The following DHX40 variants were observed in gnomAD, a reference collection of about 807,000 sequenced individuals.
DHX40 encodes probable ATP-dependent RNA helicase DHX40.
A neutral mutation model predicts 89.6 loss-of-function variants in DHX40; 28 were observed. The ratio of observed to expected loss-of-function variants is 0.31; its 90% CI spans 0.23 to 0.43. The LOEUF (loss-of-function observed/expected upper bound fraction) is 0.43. Among genes scored for constraint, DHX40 ranks in the 20% least tolerant of loss-of-function variants. The pLI is 1.00. For missense variants in DHX40, 457 were observed against 844.0 expected, an observed-to-expected ratio of 0.54 and a Z score of 5.68; for synonymous variants, 226 against 283.6, an observed-to-expected ratio of 0.80 and a Z score of 2.04.
intron 12 of DHX40, among the ~76,000 whole-genome samples, chr17:59,590,352 G>T (rs1167700554): frequency 2.0e-5 from 3 of 148,128 alleles, no homozygotes; most frequent in Non-Finnish European, 4.5e-5. Context: ...TGGAAGTGTC[G>T]GGTCCAGATT....
intron 2 of DHX40, among the ~76,000 whole-genome samples, chr17:59,570,193 A>T (rs1270668340): frequency 1.7e-5 from 2 of 118,334 alleles, no homozygotes; most frequent in Non-Finnish European, 3.2e-5. Flanking sequence ...TATAATATAT[A>T]ATATATTATA....
At position 59,566,629 on chromosome 17, in the gene DHX40, G is replaced by T; in HGVS notation, c.115G>T (p.Glu39Ter). The T allele has an allele frequency of 1.3e-6, 2 of 1,579,538 alleles. No homozygotes were observed. The highest frequency in any genetic ancestry group is 1.2e-5 in the South Asian group (1 of 84,174). ...GACTTGTTTTTCTGTTATTACAGAA[G>T]AGAAAGGATGCACGTCCCAGGAGGG... ...LSAVCIADREEKGCTSQEGGT... is the reference protein window; with the variant it reads ...LSAVCIADRE The change falls in exon 2 of 18, where the codon GAG becomes TAG. Residue 39 changes from glutamate to a stop codon, truncating the protein, a stop_gained and splice_region_variant. Transcript: ENST00000251241. LOFTEE classifies it high-confidence loss of function.
intron 12 of DHX40, among the ~76,000 whole-genome samples, chr17:59,593,759 G>A (rs1444285794): frequency 6.7e-6 from 1 of 148,918 alleles, no homozygotes; most frequent in African/African-American, 2.5e-5. Context: ...TGGGATTACA[G>A]GAGTGAGCCA....
intron 2 of DHX40, among the ~76,000 whole-genome samples, chr17:59,569,700 T>TATATATATATCTATATATATATATAG (rs2048761898): frequency 7.2e-6 from 1 of 139,432 alleles, no homozygotes; most frequent in Non-Finnish European, 1.5e-5. Context: ...AAGAAAAAAA[T>TATATATATATCTATATATATATATAG]ATATATATAT....
chr17:59,595,270 A>G (rs1325756443), intron 12 of DHX40, among the ~76,000 whole-genome samples: 1 of 151,454 alleles, frequency 6.6e-6, no homozygotes, highest in Non-Finnish European at 1.5e-5. Context: ...TTTAGTAGAG[A>G]TGGGGTTTCT....
At chr17:59,585,793 T>TTAATACTTCTCTACTAG (rs2048986013) in intron 10 of DHX40, among the ~76,000 whole-genome samples, 1 of 133,482 alleles carries the variant, frequency 7.5e-6, no homozygotes, top group African/African-American at 3.5e-5. Flanking sequence ...TTCTCTACTA[T>TTAATACTTCTCTACTAG]TAATATTTCT....
intron 3 of DHX40, among the ~76,000 whole-genome samples, chr17:59,571,514 C>G (rs1226372300): frequency 6.6e-6 from 1 of 151,352 alleles, no homozygotes; most frequent in Non-Finnish European, 1.5e-5. Context: ...TTTCTACTTT[C>G]AGAACTTTTT....
At chr17:59,591,307 A>G (rs1242076106) in intron 12 of DHX40, among the ~76,000 whole-genome samples, 1 of 150,306 alleles carries the variant, frequency 6.7e-6, no homozygotes, top group South Asian at 2.1e-4. Flanking sequence ...TCCATCCCCA[A>G]AAAGAAAAAA....
At position 59,586,235 on chromosome 17, in the gene DHX40, T is replaced by TA. The variant is rs58298344; in HGVS notation, c.1424+20dup. Reference sequence around the variant, plus strand: ...TTACCAGTGTGATGCTATTGACAGGTAAAAAAAAAAAAAAAAAATCACAAT... The same window carrying TA: ...TTACCAGTGTGATGCTATTGACAGGTAAAAAAAAAAAAAAAAAAATCACAAT... On this transcript the variant is annotated splice_region_variant and intron_variant, in intron 11 of 17. Transcript: ENST00000251241. The TA allele has an allele frequency of 0.021, 29,270 of 1,370,528 alleles. 652 individuals carry two copies. Among genetic ancestry groups the TA allele is most frequent in the African/African-American group, 0.16 (9,904 of 62,878 alleles). 84.9% of individuals were successfully genotyped at this position (1,370,528 alleles called of 1,614,324 possible). A position where few individuals can be genotyped will look rare whatever the true frequency, so the allele number is the denominator to read the frequency against.
chr17:59,592,958 TA>T (rs78621130), intron 12 of DHX40, among the ~76,000 whole-genome samples: 4 of 104,564 alleles, frequency 3.8e-5, no homozygotes, highest in South Asian at 3.4e-4. Flanking sequence ...TAATGTATGT[TA>T]AGGTTTATTC....
chr17:59,571,686 G>A (rs2048811654), intron 3 of DHX40, among the ~76,000 whole-genome samples: 2 of 151,536 alleles, frequency 1.3e-5, no homozygotes, highest in African/African-American at 4.8e-5. Flanking sequence ...TGCCTCCCAG[G>A]TTCTAGTGAT....
intron 15 of DHX40, chr17:59,603,445 C>T (rs1438216524): frequency 6.6e-6 from 1 of 152,012 alleles, no homozygotes. Flanking sequence ...TGGGAAAATG[C>T]AAGATGAGCC....
At chr17:59,591,486 A>T (rs891139629) in intron 12 of DHX40, among the ~76,000 whole-genome samples, 14 of 151,578 alleles carry the variant, frequency 9.2e-5, no homozygotes, top group African/African-American at 3.4e-4. Context: ...AAGTTGGATT[A>T]AGGTGACCAA....
intron 6 of DHX40, among the ~76,000 whole-genome samples, chr17:59,574,794 G>C (rs1447245071): frequency 6.6e-6 from 1 of 151,710 alleles, no homozygotes; most frequent in Non-Finnish European, 1.5e-5. Context: ...CAACACATAA[G>C]GTGTAGAATC....
rs143388809 is a variant in DHX40 at position 59,572,817 on chromosome 17, A to G, written c.427-299A>G. ...TCTCATTTCACTGTTGTTTCCCACAACTTGCTTACCCAATGCCATTGCATC... is the reference window on the plus strand; with the variant it reads ...TCTCATTTCACTGTTGTTTCCCACAGCTTGCTTACCCAATGCCATTGCATC... On this transcript the variant is annotated intron_variant, in intron 3 of 17. Coordinates refer to ENST00000251241, the MANE Select transcript of DHX40 (RefSeq NM_024612.5). Among the ~76,000 whole-genome samples, 3,439 of 152,278 alleles carry G rather than the reference A, an allele frequency of 0.023. 67 individuals are homozygous for G. Among genetic ancestry groups the G allele is most frequent in the Non-Finnish European group, 0.033 (2,238 of 68,018 alleles).
At position 59,581,878 on chromosome 17, in the gene DHX40, T is replaced by C. The variant is rs113206517; in HGVS notation, c.1343+1999T>C. Among the ~76,000 whole-genome samples, 63 of 123,070 alleles carry C rather than the reference T, an allele frequency of 5.1e-4. 3 individuals are homozygous for C. Among genetic ancestry groups the C allele is most frequent in the South Asian group, 4.8e-3 (16 of 3,342 alleles). The allele number at this position is 123,070 out of a possible 152,430, so 80.7% of individuals were successfully genotyped here. On this transcript the variant is annotated intron_variant, in intron 10 of 17. Coordinates refer to ENST00000251241, the MANE Select transcript of DHX40 (RefSeq NM_024612.5). ...AAATGTTTTGATAGTTATCATTAGA[T>C]TAGAGATTTTCTGAATGAGAATATG...
At chr17:59,570,087 T>C (rs2048773308) in intron 2 of DHX40, among the ~76,000 whole-genome samples, 1 of 131,502 alleles carries the variant, frequency 7.6e-6, no homozygotes, top group Non-Finnish European at 1.5e-5. Flanking sequence ...TATTTATATA[T>C]AATATATAGT....
intron 12 of DHX40, among the ~76,000 whole-genome samples, chr17:59,598,249 T>G (rs191363017): frequency 2.6e-5 from 4 of 152,308 alleles, no homozygotes; most frequent in African/African-American, 9.6e-5. Flanking sequence ...TCAGATTATA[T>G]ATTCCATTTA....
rs1324974939 is a variant in DHX40 at position 59,605,609 on chromosome 17, G to A, written c.2135G>A (p.Arg712Gln). 75 of 1,613,894 alleles carry A rather than the reference G, an allele frequency of 4.6e-5. No homozygotes were observed. The highest frequency in any genetic ancestry group is 6.2e-5 in the Non-Finnish European group (73 of 1,180,012). ...FNAHDLSSVA[R>Q]REVREDARRR... ...GCACATGATTTGAGCAGTGTGGCCC[G>A]ACGTGAAGTGAGAGAAGATGCAAGA... is the stretch of plus-strand genomic sequence containing the variant. The change falls in exon 17 of 18, where the codon CGA (arginine) becomes CAA (glutamine). Residue 712 changes from arginine (R) to glutamine (Q), a missense_variant. Coordinates refer to ENST00000251241, the MANE Select transcript of DHX40 (RefSeq NM_024612.5).
Sources: gnomAD v4.1 joint callset for allele counts (sites outside exome capture counted in the v4.1 genomes callset) on GRCh38, gnomAD v4.1.1 for gene constraint, MANE v1.5 for transcripts, NCBI Gene and HGNC (gene_info 2026-07-23, HGNC 2026-07-21) for gene names.